USP7: variants seen among roughly 807,000 people sequenced by gnomAD.
The protein encoded by USP7 is ubiquitin specific peptidase 7, also known as ubiquitin C-terminal hydrolase 7.
A neutral mutation model predicts 162.9 loss-of-function variants in USP7; 9 were observed. That is an observed-to-expected ratio of 0.06 (90% CI 0.03 to 0.10). USP7 has a LOEUF of 0.10. USP7 is among the 10% of genes least tolerant of loss of function. The pLI, the probability that USP7 is intolerant of heterozygous loss-of-function variation, is 1.00. For synonymous variants in USP7, 562 were observed against 475.9 expected (o/e 1.18, Z -2.35); for missense variants, 715 against 1,373.7 (o/e 0.52, Z 7.58).
At position 8,892,589 on chromosome 16, in the gene USP7, T is replaced by C. The variant is rs1487876891; in HGVS notation, c.*1409A>G. ...AAACCTTTCATTTCTTAAGAGTAAA[T>C]GTGACTAGTTAGAGGCTAAAAAAAA... On this transcript the variant is annotated 3_prime_UTR_variant, in exon 31 of 31. Coordinates refer to ENST00000344836, the MANE Select transcript of USP7 (RefSeq NM_003470.3). 1 of 131,010 alleles carries C rather than the reference T, an allele frequency of 7.6e-6. No individual in the cohort carries two copies. The highest frequency in any genetic ancestry group is 2.9e-5 in the African/African-American group (1 of 33,994). 8.1% of individuals were successfully genotyped at this position (131,010 alleles called of 1,614,324 possible).
chr16:8,961,288 T>G (rs1399283792), intron 1 of USP7, among the ~76,000 whole-genome samples: 1 of 150,554 alleles, frequency 6.6e-6, no homozygotes, highest in African/African-American at 2.4e-5. Context: ...AGGTCGGGAG[T>G]TCGAGACCAG....
chr16:8,961,670 G>A (rs1052298465), intron 1 of USP7, among the ~76,000 whole-genome samples: 3 of 152,098 alleles, frequency 2.0e-5, no homozygotes, highest in Non-Finnish European at 4.4e-5. Context: ...CCATATGCTC[G>A]TGTTATTGGA....
At chr16:8,942,194 G>A (rs2141250574) in intron 1 of USP7, among the ~76,000 whole-genome samples, 1 of 152,358 alleles carries the variant, frequency 6.6e-6, no homozygotes, top group Non-Finnish European at 1.5e-5. Context: ...ACTCTAAAAT[G>A]TTCCCTCCCA....
intron 1 of USP7, among the ~76,000 whole-genome samples, chr16:8,938,427 A>T (rs1898875613): frequency 6.6e-6 from 1 of 152,016 alleles, no homozygotes; most frequent in South Asian, 2.1e-4. Flanking sequence ...AAAAACACTC[A>T]GGGGGCCGGG....
chr16:8,899,015 T>A, intron 23 of USP7, 106 bp downstream of exon 23: 1 of 1,184,958 alleles, frequency 8.4e-7, no homozygotes, highest in South Asian at 1.3e-5. Flanking sequence ...AAATGGACTG[T>A]CAGGTGAAAT....
rs752406278 is a variant in USP7, at chr16:8,894,985, G to C, written c.3039+46C>G. ...ATTCGGCAACAGCGGCCACTCAAAG[G>C]CTCCAGGTTTTGACGTGAGCCACTC... On this transcript the variant is annotated intron_variant, in intron 28 of 30. Transcript: ENST00000344836. 6 of 1,613,634 alleles carry C rather than the reference G, an allele frequency of 3.7e-6. No individual in the cohort carries two copies. The African/African-American group carries it at 4.0e-5, about 11-fold the overall frequency.
chr16:8,910,772 T>C lies in USP7; in HGVS notation c.1134A>G (p.Lys378=). 1.2e-6 allele frequency: 2 copies of C among 1,614,190 alleles called. No homozygotes were observed. Among genetic ancestry groups the C allele is most frequent in the Non-Finnish European group, 1.7e-6 (2 of 1,180,028 alleles). The part of the protein sequence containing the change: ...VAVEQLDGDN[K]YDAGEHGLQE... ...GTAAGCCATGTTCCCCAGCGTCGTATTTATTGTCCCCATCGAGCTGTTCTA... is the reference window on the plus strand; with the variant it reads ...GTAAGCCATGTTCCCCAGCGTCGTACTTATTGTCCCCATCGAGCTGTTCTA... The change falls in exon 11 of 31, where the codon AAA becomes AAG. Residue 378 remains lysine (K), a synonymous_variant. Coordinates refer to ENST00000344836, the MANE Select transcript of USP7 (RefSeq NM_003470.3).
At chr16:8,950,866 C>A (rs1257830466) in intron 1 of USP7, among the ~76,000 whole-genome samples, 1 of 152,212 alleles carries the variant, frequency 6.6e-6, no homozygotes, top group African/African-American at 2.4e-5. Flanking sequence ...ACAGTCACTC[C>A]TGACCAAGTT....
At chr16:8,927,987 A>T (rs1898105014) in intron 2 of USP7, among the ~76,000 whole-genome samples, 2 of 152,240 alleles carry the variant, frequency 1.3e-5, no homozygotes, top group African/African-American at 4.8e-5. Flanking sequence ...ACTACAAACA[A>T]TTAGCCACAC....
chr16:8,950,028 G>A (rs1899478172), intron 1 of USP7, among the ~76,000 whole-genome samples: 1 of 152,240 alleles, frequency 6.6e-6, no homozygotes, highest in African/African-American at 2.4e-5. Flanking sequence ...GGAGCTGCAT[G>A]TGGCAACTGA....
chr16:8,918,960 G>T, intron 6 of USP7, 71 bp downstream of exon 6: 3 of 1,476,200 alleles, frequency 2.0e-6, no homozygotes, highest in Middle Eastern at 2.4e-4. Context: ...TTGTTGAGAG[G>T]ACTTTGCTCT....
chr16:8,948,637 G>C (rs779712034), intron 1 of USP7, among the ~76,000 whole-genome samples: 1 of 152,160 alleles, frequency 6.6e-6, no homozygotes, highest in Non-Finnish European at 1.5e-5. Flanking sequence ...TCCACACGAT[G>C]GAATATTATT....
At chr16:8,919,331 C>T (rs1222292103) in intron 5 of USP7, among the ~76,000 whole-genome samples, 192 bp from the exon 6 acceptor site, 1 of 152,006 alleles carries the variant, frequency 6.6e-6, no homozygotes, top group Non-Finnish European at 1.5e-5. Context: ...ATGCAACCCC[C>T]ACATTCGCAC....
At chr16:8,903,904 G>A (rs1349265269) in intron 15 of USP7, among the ~76,000 whole-genome samples, 1 of 151,584 alleles carries the variant, frequency 6.6e-6, no homozygotes, top group Non-Finnish European at 1.5e-5. Flanking sequence ...AAGAAAAGGA[G>A]ACTGTGTTTC....
At chr16:8,899,056 A>C in intron 23 of USP7, 65 bp downstream of exon 23, 1 of 1,516,566 alleles carries the variant, frequency 6.6e-7, no homozygotes, top group Non-Finnish European at 9.1e-7. Context: ...TAGTTCCAAG[A>C]TGTTTCAATG....
Position 8,895,097 on chromosome 16 carries a change from T to A in USP7, c.2973A>T (p.Thr991=). The A allele has an allele frequency of 6.2e-7, 1 of 1,614,258 alleles. No individual in the cohort carries two copies. Among genetic ancestry groups the A allele is most frequent in the Non-Finnish European group, 8.5e-7 (1 of 1,180,036 alleles). Residue 991 remains threonine, a synonymous_variant, in exon 28 of 31, where the codon ACA becomes ACT. Coordinates refer to ENST00000344836, the MANE Select transcript of USP7 (RefSeq NM_003470.3). ...DIDKENEMLV[T]VAHFHKEVFG... ...AGACCTCTTTGTGGAAATGCGCCAC[T>A]GTGACAAGCATCTCATTCTCTTTGT...
At chr16:8,940,318 T>C (rs1401366816) in intron 1 of USP7, among the ~76,000 whole-genome samples, 1 of 152,160 alleles carries the variant, frequency 6.6e-6, no homozygotes, top group Admixed American at 6.5e-5. Flanking sequence ...TCAACACTGT[T>C]ATCCAAGAAC....
chr16:8,899,384 A>T (rs2061740162), intron 22 of USP7, 196 bp from the exon 23 acceptor site: 1 of 764,490 alleles, frequency 1.3e-6, no homozygotes, highest in Admixed American at 2.9e-5. Flanking sequence ...TAACTTTGGA[A>T]AGGGTTTTCA....
chr16:8,900,279 C>T, intron 21 of USP7: 1 of 397,384 alleles, frequency 2.5e-6, no homozygotes, highest in Non-Finnish European at 4.5e-6. Flanking sequence ...ATTGTTCCCA[C>T]TCTACTAATA....
Sources: allele counts gnomAD v4.1 joint callset (sites outside exome capture counted in the v4.1 genomes callset), GRCh38; gene constraint gnomAD v4.1.1; transcripts MANE v1.5; gene names NCBI Gene and HGNC (gene_info 2026-07-23, HGNC 2026-07-21).